Variants in ADGRG7 observed in about 807,000 individuals in gnomAD.
ADGRG7 encodes the protein adhesion G protein-coupled receptor G7, also known as G-protein coupled receptor 128.
Under a neutral mutation model 88.6 loss-of-function variants are expected in ADGRG7, and 82 were observed. The ratio of observed to expected loss-of-function variants is 0.93; its 90% CI spans 0.77 to 1.11. The LOEUF is 1.11. Among genes scored for constraint, ADGRG7 ranks in the 50% most tolerant of loss-of-function variants. The pLI, the probability that ADGRG7 is intolerant of heterozygous loss-of-function variation, is 0.00. For missense variants in ADGRG7, 945 were observed against 953.4 expected, an observed-to-expected ratio of 0.99 and a Z score of 0.12; for synonymous variants, 381 against 345.2, an observed-to-expected ratio of 1.10 and a Z score of -1.15.
At chr3:100,647,230 G>C (rs1329090873) in intron 10 of ADGRG7, among the ~76,000 whole-genome samples, 1 of 152,142 alleles carries the variant, frequency 6.6e-6, no homozygotes, top group Non-Finnish European at 1.5e-5. Context: ...TTTGCTATGT[G>C]GTCTTAGGAT....
At chr3:100,689,937 G>A (rs2094990220) in intron 15 of ADGRG7, among the ~76,000 whole-genome samples, 1 of 152,098 alleles carries the variant, frequency 6.6e-6, no homozygotes, top group Non-Finnish European at 1.5e-5. Flanking sequence ...GCTAGATTGG[G>A]GAAGTTCTCC....
Position 100,616,526 on chromosome 3 carries a change from T to G in ADGRG7, c.115+6555T>G, listed in dbSNP as rs1235893677. Among the ~76,000 whole-genome samples, 13 of 152,170 alleles carry G rather than the reference T, an allele frequency of 8.5e-5. No individual in the cohort carries two copies. The East Asian group carries it at 2.5e-3, about 29-fold the overall frequency. On this transcript the variant is annotated intron_variant, in intron 1 of 15. Transcript: ENST00000273352. ...GATTTAAAAGGAGGTTAGAAATCAT[T>G]AAGGTGCTGAGCATGGTGATTCATG...
rs138776241 is a variant in ADGRG7, at chr3:100,658,906, C to T, written c.1824-782C>T. Among the ~76,000 whole-genome samples, 819 of 152,166 alleles carry T rather than the reference C, an allele frequency of 5.4e-3. 4 individuals are homozygous for T. The highest frequency in any genetic ancestry group is 0.01 in the Middle Eastern group (3 of 294). ...GATACCTTGGTGTCTAAAACAGTGT[C>T]TAGCACATAATATGTACTCTCTAAA... On this transcript the variant is annotated intron_variant, in intron 13 of 15. Coordinates refer to ENST00000273352, the MANE Select transcript of ADGRG7 (RefSeq NM_032787.3).
chr3:100,665,241 C>A (rs1048884211), intron 14 of ADGRG7: 6 of 540,324 alleles, frequency 1.1e-5, no homozygotes, highest in Middle Eastern at 3.2e-4. Flanking sequence ...GGAACTCTCC[C>A]ATCCATTATG....
intron 15 of ADGRG7, among the ~76,000 whole-genome samples, chr3:100,676,576 G>A (rs1030596273): frequency 3.9e-5 from 6 of 152,010 alleles, no homozygotes; most frequent in African/African-American, 1.2e-4. Context: ...GTATTCTGCA[G>A]CCATTGGATG....
intron 14 of ADGRG7, among the ~76,000 whole-genome samples, chr3:100,663,113 A>T (rs1680499): frequency 6.6e-6 from 1 of 152,090 alleles, no homozygotes; most frequent in Middle Eastern, 3.4e-3. Context: ...CACAGCTCTT[A>T]GCTCCTGTTA....
intron 15 of ADGRG7, among the ~76,000 whole-genome samples, chr3:100,684,257 C>CTATTTATTTATTTATTTATTTATT (rs61090159): frequency 0.26 from 38,352 of 145,066 alleles, 5,494 homozygotes; most frequent in South Asian, 0.36. Flanking sequence ...TCCATTTTAT[C>CTATTTATTTATTTATTTATTTATT]TATTTATTTA....
chr3:100,635,440 TA>T, intron 4 of ADGRG7: 1 of 763,256 alleles, frequency 1.3e-6, no homozygotes, highest in Non-Finnish European at 1.8e-6. Context: ...CCAATCTAGC[TA>T]AGGCAGCCCC....
At chr3:100,612,322 A>G (rs1326167501) in intron 1 of ADGRG7, among the ~76,000 whole-genome samples, 1 of 152,166 alleles carries the variant, frequency 6.6e-6, no homozygotes, top group Non-Finnish European at 1.5e-5. Context: ...TTATGTATTT[A>G]ATTATTATAA....
intron 11 of ADGRG7, among the ~76,000 whole-genome samples, chr3:100,652,451 T>A (rs970878857): frequency 6.6e-6 from 1 of 152,108 alleles, no homozygotes; most frequent in Non-Finnish European, 1.5e-5. Flanking sequence ...TTCCAAGAGG[T>A]CTTGCAGTCT....
At chr3:100,668,196 G>A (rs979998259) in intron 14 of ADGRG7, among the ~76,000 whole-genome samples, 1 of 152,184 alleles carries the variant, frequency 6.6e-6, no homozygotes, top group Non-Finnish European at 1.5e-5. Flanking sequence ...CGTCAATCTT[G>A]CTGGGAGCTG....
At chr3:100,623,296 A>G (rs765175929) in intron 1 of ADGRG7, among the ~76,000 whole-genome samples, 6 of 152,112 alleles carry the variant, frequency 3.9e-5, no homozygotes, top group African/African-American at 7.2e-5. Flanking sequence ...TTTTTTATTC[A>G]GTTAGTCTAG....
intron 11 of ADGRG7, 22 bp downstream of exon 11, chr3:100,649,829 T>C: frequency 7.3e-7 from 1 of 1,367,622 alleles, no homozygotes; most frequent in Non-Finnish European, 1.0e-6. Context: ...AGCAGGCTCT[T>C]TTCAGAAGAG....
chr3:100,612,043 G>A (rs1006300727), intron 1 of ADGRG7, among the ~76,000 whole-genome samples: 1 of 151,926 alleles, frequency 6.6e-6, no homozygotes, highest in Non-Finnish European at 1.5e-5. Context: ...TCTTAGTAGG[G>A]AAAATATATA....
chr3:100,628,760 T>A (rs1390045564), intron 1 of ADGRG7, among the ~76,000 whole-genome samples: 1 of 152,180 alleles, frequency 6.6e-6, no homozygotes, highest in Admixed American at 6.5e-5. Flanking sequence ...ATCCTAACAA[T>A]TCTTTCTCAG....
At chr3:100,671,493 T>G (rs2149035946) in intron 15 of ADGRG7, among the ~76,000 whole-genome samples, 1 of 152,306 alleles carries the variant, frequency 6.6e-6, no homozygotes, top group Non-Finnish European at 1.5e-5. Context: ...TTTCTCCCAT[T>G]CTGTAGGTTG....
intron 3 of ADGRG7, among the ~76,000 whole-genome samples, chr3:100,632,245 T>A (rs1471768140): frequency 6.6e-6 from 1 of 152,156 alleles, no homozygotes; most frequent in Non-Finnish European, 1.5e-5. Context: ...CAACATTTTT[T>A]ATTTGGTTAT....
At chr3:100,683,361 C>T (rs1051058407) in intron 15 of ADGRG7, among the ~76,000 whole-genome samples, 16 of 152,222 alleles carry the variant, frequency 1.1e-4, no homozygotes, top group African/African-American at 3.4e-4. Flanking sequence ...TAGGAACTCC[C>T]TGAGCCAGGG....
intron 14 of ADGRG7, among the ~76,000 whole-genome samples, chr3:100,663,529 C>A (rs2094948189): frequency 6.6e-6 from 1 of 152,062 alleles, no homozygotes; most frequent in African/African-American, 2.4e-5. Flanking sequence ...ACTTTCTCAT[C>A]TCCAACTAAC....
Sources: gnomAD v4.1 joint callset for allele counts (sites outside exome capture counted in the v4.1 genomes callset) on GRCh38, gnomAD v4.1.1 for gene constraint, MANE v1.5 for transcripts, NCBI Gene and HGNC (gene_info 2026-07-23, HGNC 2026-07-21) for gene names.